LINGO1: variants seen among roughly 807,000 people sequenced by gnomAD.
LINGO1 encodes leucine-rich repeat and immunoglobulin-like domain-containing nogo receptor-interacting protein 1.
LINGO1 carries 11 observed loss-of-function variants against 37.3 expected under a neutral mutation model. That is an observed-to-expected ratio of 0.29 (90% CI 0.19 to 0.49). LINGO1 has a LOEUF of 0.49. Among genes scored for constraint, LINGO1 ranks in the 20% least tolerant of loss-of-function variants. The pLI, the probability that LINGO1 is intolerant of heterozygous loss-of-function variation, is 0.99. For synonymous variants in LINGO1, 387 were observed against 403.0 expected (o/e 0.96, Z 0.48); for missense variants, 585 against 878.2 (o/e 0.67, Z 4.22).
At chr15:77,709,255 G>T (rs2075889783) in intron 2 of LINGO1, among the ~76,000 whole-genome samples, 1 of 152,312 alleles carries the variant, frequency 6.6e-6, no homozygotes, top group South Asian at 2.1e-4. Flanking sequence ...TTAAAATGGG[G>T]TGAGCCTCCC....
At chr15:77,729,558 T>C in intron 2 of LINGO1, among the ~76,000 whole-genome samples, 1 of 152,148 alleles carries the variant, frequency 6.6e-6, no homozygotes, top group Non-Finnish European at 1.5e-5. Flanking sequence ...CCCAGATCAC[T>C]CTGTGCAGGA....
At chr15:77,775,382 C>T (rs1233530261) in intron 1 of LINGO1, among the ~76,000 whole-genome samples, 1 of 152,162 alleles carries the variant, frequency 6.6e-6, no homozygotes, top group African/African-American at 2.4e-5. Context: ...AAGTGCAGCC[C>T]CTGAGCCTAC....
intron 1 of LINGO1, among the ~76,000 whole-genome samples, chr15:77,756,273 C>T (rs2076417902): frequency 6.6e-6 from 1 of 152,136 alleles, no homozygotes; most frequent in Admixed American, 6.5e-5. Flanking sequence ...AGTTATGGAG[C>T]CCATAACTCT....
At chr15:77,727,126 T>C (rs1406346438) in intron 2 of LINGO1, among the ~76,000 whole-genome samples, 5 of 152,240 alleles carry the variant, frequency 3.3e-5, no homozygotes, top group African/African-American at 1.2e-4. Flanking sequence ...TTTTGTGTAT[T>C]GCTAGTAGGA....
In LINGO1 at chr15:77,617,204, C is replaced by T. The variant is rs530025411; in HGVS notation, c.7-1304G>A. Among the ~76,000 whole-genome samples, 14 of 152,312 alleles carry T rather than the reference C, an allele frequency of 9.2e-5. No homozygotes were observed. The East Asian group carries it at 2.7e-3, about 29-fold the overall frequency. ...GGTATGCGGGAGCCTCCGTGACCCTCTCCCACCCCCTGTTCAGAGACCACT... is the reference window on the plus strand; with the variant it reads ...GGTATGCGGGAGCCTCCGTGACCCTTTCCCACCCCCTGTTCAGAGACCACT... On this transcript the variant is annotated intron_variant, in intron 1 of 1. Transcript: ENST00000355300.
intron 1 of LINGO1, among the ~76,000 whole-genome samples, chr15:77,779,846 G>C (rs558917016): frequency 6.6e-6 from 1 of 152,306 alleles, no homozygotes; most frequent in African/African-American, 2.4e-5. Context: ...GCCTGGACTA[G>C]GAGGTGCTCG....
At chr15:77,771,682 G>A (rs1195338937) in intron 1 of LINGO1, among the ~76,000 whole-genome samples, 5 of 152,212 alleles carry the variant, frequency 3.3e-5, no homozygotes, top group African/African-American at 1.2e-4. Context: ...AGCTAGGCTA[G>A]GAGGCTGGGG....
At chr15:77,781,004 T>G (rs535834020) in intron 1 of LINGO1, among the ~76,000 whole-genome samples, 4 of 152,372 alleles carry the variant, frequency 2.6e-5, no homozygotes, top group African/African-American at 7.2e-5. Flanking sequence ...GATGAGGTTT[T>G]GGGCTGTCAT....
intron 3 of LINGO1, among the ~76,000 whole-genome samples, chr15:77,642,978 G>T (rs1307881664): frequency 6.6e-6 from 1 of 152,206 alleles, no homozygotes; most frequent in Non-Finnish European, 1.5e-5. Flanking sequence ...TGTGGAGCCT[G>T]GGCTTGGTGC....
intron 3 of LINGO1, among the ~76,000 whole-genome samples, chr15:77,650,497 G>A (rs2074736628): frequency 6.6e-6 from 1 of 152,198 alleles, no homozygotes; most frequent in South Asian, 2.1e-4. Flanking sequence ...GGACCCCACA[G>A]GTTTGTCTGG....
chr15:77,819,190 G>GC (rs2077075119), intron 1 of LINGO1: 2 of 148,718 alleles, frequency 1.3e-5, no homozygotes, highest in Non-Finnish European at 1.5e-5. Context: ...CCGCGCCGCC[G>GC]GCGGGCAGAC....
At chr15:77,650,629 G>C (rs559180541) in intron 3 of LINGO1, among the ~76,000 whole-genome samples, 8 of 152,284 alleles carry the variant, frequency 5.3e-5, no homozygotes, top group Non-Finnish European at 7.4e-5. Flanking sequence ...CCTGCAATGG[G>C]GAAGAGGGCA....
upstream of LINGO1, among the ~76,000 whole-genome samples, chr15:77,634,037 T>G (rs2074343889): frequency 6.6e-6 from 1 of 152,048 alleles, no homozygotes; most frequent in Non-Finnish European, 1.5e-5. Context: ...ACATGAATAC[T>G]CCTAATAGCT....
intron 1 of LINGO1, among the ~76,000 whole-genome samples, chr15:77,797,019 A>G (rs1408106496): frequency 6.6e-6 from 1 of 151,998 alleles, no homozygotes; most frequent in Non-Finnish European, 1.5e-5. Flanking sequence ...TTATTTCTTC[A>G]TCATATATTC....
intron 2 of LINGO1, among the ~76,000 whole-genome samples, chr15:77,727,528 C>T (rs2076114259): frequency 6.6e-6 from 1 of 152,102 alleles, no homozygotes; most frequent in Non-Finnish European, 1.5e-5. Context: ...GTATGAGGTA[C>T]CTAAGGTGCT....
chr15:77,646,833 G>A (rs1596042226), intron 3 of LINGO1, among the ~76,000 whole-genome samples: 3 of 152,172 alleles, frequency 2.0e-5, no homozygotes, highest in South Asian at 2.1e-4. Flanking sequence ...CATTAATAAT[G>A]TCTAATATCT....
intron 2 of LINGO1, among the ~76,000 whole-genome samples, chr15:77,686,629 T>TG (rs970588055): frequency 7.9e-5 from 12 of 152,296 alleles, no homozygotes; most frequent in African/African-American, 2.6e-4. Flanking sequence ...TGAGGTGTTC[T>TG]GGGGGGTCAC....
chr15:77,674,374 T>C (rs1261374945), intron 3 of LINGO1, among the ~76,000 whole-genome samples: 2 of 152,196 alleles, frequency 1.3e-5, no homozygotes, highest in Non-Finnish European at 2.9e-5. Context: ...GGGATCTGGT[T>C]AAAATGTAAT....
chr15:77,700,904 C>T (rs188813765), upstream of LINGO1, among the ~76,000 whole-genome samples: 95 of 152,296 alleles, frequency 6.2e-4, 1 homozygote, highest in East Asian at 8.5e-3. Context: ...ACCTCACCCA[C>T]GGACCAGGCT....
Sources: gnomAD v4.1 joint callset for allele counts (sites outside exome capture counted in the v4.1 genomes callset) on GRCh38, gnomAD v4.1.1 for gene constraint, MANE v1.5 for transcripts, NCBI Gene and HGNC (gene_info 2026-07-23, HGNC 2026-07-21) for gene names.